The following SEC61G variants were observed in gnomAD, a reference collection of about 807,000 sequenced individuals.
The protein encoded by SEC61G is SEC61 translocon subunit gamma, also known as protein transport protein Sec61 subunit gamma.
In SEC61G, 4 loss-of-function variants were observed where a neutral mutation model predicts 7.5. That is an observed-to-expected ratio of 0.54 (90% CI 0.26 to 1.22). SEC61G has a LOEUF of 1.22. Among genes scored for constraint, SEC61G ranks in the 50% most tolerant of loss-of-function variants. The pLI, the probability that SEC61G is intolerant of heterozygous loss-of-function variation, is 0.12. For synonymous variants in SEC61G, 24 were observed against 24.4 expected (o/e 0.98, Z 0.05); for missense variants, 53 against 84.6 (o/e 0.63, Z 1.46).
Position 54,757,511 on chromosome 7 carries a change from A to G in SEC61G, c.78T>C (p.Thr26=). ...AGCAATTACCTTTTCTATCAGGTTT[A>G]GTGCATCTTTTAACCAGCCGAATGG... ...KDSIRLVKRC[T]KPDRKEFQKI... The change falls in exon 2 of 4, where the codon ACT becomes ACC. Residue 26 remains threonine, a synonymous_variant. Coordinates refer to ENST00000352861, the MANE Select transcript of SEC61G (RefSeq NM_014302.4). 1.2e-6 allele frequency: 2 copies of G among 1,613,824 alleles called. No individual in the cohort carries two copies. The highest frequency in any genetic ancestry group is 1.7e-6 in the Non-Finnish European group (2 of 1,179,690).
chr7:54,756,042 GTTGT>G (rs374433873), intron 2 of SEC61G, among the ~76,000 whole-genome samples, 161 bp from the exon 3 acceptor site: 213 of 152,228 alleles, frequency 1.4e-3, no homozygotes, highest in African/African-American at 4.0e-3. Flanking sequence ...CAGTAAACAA[GTTGT>G]TTGACAGGTT....
At chr7:54,752,948 T>C (rs143831019) in intron 3 of SEC61G, among the ~76,000 whole-genome samples, 42 of 152,316 alleles carry the variant, frequency 2.8e-4, no homozygotes, top group African/African-American at 8.9e-4. Flanking sequence ...TAGTCAGATA[T>C]ACATTTTAGT....
intron 1 of SEC61G, among the ~76,000 whole-genome samples, chr7:54,758,646 C>G (rs978801504): frequency 9.2e-5 from 14 of 152,176 alleles, no homozygotes; most frequent in Admixed American, 9.2e-4. Flanking sequence ...GCTAAGAATT[C>G]TTTATCCAGA....
At chr7:54,756,866 C>A (rs1343329727) in intron 2 of SEC61G, among the ~76,000 whole-genome samples, 1 of 150,604 alleles carries the variant, frequency 6.6e-6, no homozygotes, top group Non-Finnish European at 1.5e-5. Flanking sequence ...TGGTAAGAGT[C>A]TAAGCTCCAT....
At chr7:54,754,984 T>C (rs1218449200) in intron 3 of SEC61G, 2 of 152,164 alleles carry the variant, frequency 1.3e-5, no homozygotes, top group African/African-American at 4.8e-5. Flanking sequence ...ATTAAATGCA[T>C]ACAAAATCAC....
At chr7:54,753,773 A>C (rs1791456923) in intron 3 of SEC61G, among the ~76,000 whole-genome samples, 2 of 152,220 alleles carry the variant, frequency 1.3e-5, no homozygotes, top group Admixed American at 1.3e-4. Context: ...CTAGCTTCTG[A>C]AAGATTTCCC....
chr7:54,759,036 A>G (rs1200437769), intron 1 of SEC61G, 122 bp downstream of exon 1: 2 of 388,766 alleles, frequency 5.1e-6, no homozygotes, highest in Admixed American at 2.8e-5. Flanking sequence ...GGGACCACTT[A>G]CCGCCCGCCC....
chr7:54,759,000 G>A (rs1791580248), intron 1 of SEC61G, 158 bp downstream of exon 1: 1 of 324,662 alleles, frequency 3.1e-6, no homozygotes, highest in Non-Finnish European at 6.1e-6. Flanking sequence ...TGGGATGTCG[G>A]CGGCCAGACC....
At chr7:54,758,073 G>A (rs1261933876) in intron 1 of SEC61G, among the ~76,000 whole-genome samples, 1 of 152,170 alleles carries the variant, frequency 6.6e-6, no homozygotes, top group Admixed American at 6.5e-5. Flanking sequence ...CAACTACGGT[G>A]CTGCAAGAGC....
chr7:54,754,723 T>C (rs910437514), intron 3 of SEC61G: 1 of 152,148 alleles, frequency 6.6e-6, no homozygotes, highest in Non-Finnish European at 1.5e-5. Context: ...TTTAAATCAT[T>C]GCTTCAAACT....
At chr7:54,758,274 C>T (rs1008128637) in intron 1 of SEC61G, among the ~76,000 whole-genome samples, 2 of 152,176 alleles carry the variant, frequency 1.3e-5, no homozygotes, top group South Asian at 2.1e-4. Flanking sequence ...CATACAGGTT[C>T]TTTTGAGGAA....
rs769166152 is a variant in SEC61G, at chr7:54,755,732, GTT to G, written c.197+45_197+46del. Reference sequence around the variant, plus strand: ...AAATAACAGCCTGTCATCTCAAATGGTTTTGAGTTTCATTCAATCCTAGTCTA... The same window carrying G: ...AAATAACAGCCTGTCATCTCAAATGGTTGAGTTTCATTCAATCCTAGTCTA... On this transcript the variant is annotated intron_variant, in intron 3 of 3. Coordinates refer to ENST00000352861, the MANE Select transcript of SEC61G (RefSeq NM_014302.4). 105 of 1,079,650 alleles carry G rather than the reference GTT, an allele frequency of 9.7e-5. No individual in the cohort carries two copies. In the African/African-American group the frequency reaches 1.3e-3, roughly 13 times the overall value. 66.9% of individuals were successfully genotyped at this position (1,079,650 alleles called of 1,614,324 possible). A position where few individuals can be genotyped will look rare whatever the true frequency, so the allele number is the denominator to read the frequency against.
chr7:54,757,135 C>T (rs963941087), intron 2 of SEC61G, among the ~76,000 whole-genome samples: 23 of 151,838 alleles, frequency 1.5e-4, no homozygotes, highest in African/African-American at 5.5e-4. Context: ...TTGGCAAAAA[C>T]TATATTGTTG....
In SEC61G at chr7:54,757,575, A is replaced by G; in HGVS notation, c.14T>C (p.Met5Thr). Residue 5 changes from methionine to threonine, a missense_variant, in exon 2 of 4, where the codon ATG becomes ACG. Physicochemically the swap from Met to Thr is moderately conservative, Grantham distance 81. Transcript: ENST00000352861. MDQV[M>T]QFVEPSRQFV... ...CTGCCGACTTGGCTCAACAAACTGC[A>G]TTACCTGATCCATGACTGCCTGTTT... 2 of 1,614,082 alleles carry G rather than the reference A, an allele frequency of 1.2e-6. No homozygotes were observed. The highest frequency in any genetic ancestry group is 1.7e-6 in the Non-Finnish European group (2 of 1,179,956).
rs766542795 is a variant in SEC61G at position 54,759,196 on chromosome 7, A to C, written c.-45T>G. The C allele has an allele frequency of 9.6e-6, 5 of 519,036 alleles. No individual in the cohort carries two copies. Among genetic ancestry groups the C allele is most frequent in the East Asian group, 1.1e-4 (2 of 18,344 alleles). 32.2% of individuals were successfully genotyped at this position (519,036 alleles called of 1,614,324 possible). On this transcript the variant is annotated 5_prime_UTR_variant, in exon 1 of 4. Coordinates refer to ENST00000352861, the MANE Select transcript of SEC61G (RefSeq NM_014302.4). ...ACCTAAAATGCCAGGGACACGTAGC[A>C]CTGGAGCTTGCTGATGGAGGCCCAC...
chr7:54,753,164 G>A (rs1791446100), intron 3 of SEC61G, among the ~76,000 whole-genome samples: 1 of 152,016 alleles, frequency 6.6e-6, no homozygotes, highest in Non-Finnish European at 1.5e-5. Flanking sequence ...ATGGTGGGGT[G>A]CAACTGTAGT....
chr7:54,756,956 TAC>T (rs1001376226), intron 2 of SEC61G, among the ~76,000 whole-genome samples: 19 of 143,510 alleles, frequency 1.3e-4, no homozygotes, highest in Non-Finnish European at 2.5e-4. Context: ...ACTATATATA[TAC>T]TATATACTAT....
chr7:54,756,918 A>ATATACTATATTATATACTATATAC (rs1791526072), intron 2 of SEC61G, among the ~76,000 whole-genome samples: 1 of 147,946 alleles, frequency 6.8e-6, no homozygotes, highest in African/African-American at 2.5e-5. Context: ...TATACATGTT[A>ATATACTATATTATATACTATATAC]TATACTATAT....
intron 1 of SEC61G, 101 bp downstream of exon 1, chr7:54,759,057 G>T (rs1583717555): frequency 2.4e-6 from 1 of 411,242 alleles, no homozygotes; most frequent in East Asian, 7.4e-5. Context: ...CGCGACGGCC[G>T]CCCGGGGAGA....
Sources: gnomAD v4.1 joint callset for allele counts (sites outside exome capture counted in the v4.1 genomes callset) on GRCh38, gnomAD v4.1.1 for gene constraint, MANE v1.5 for transcripts, NCBI Gene and HGNC (gene_info 2026-07-23, HGNC 2026-07-21) for gene names.